Variants in CCDC88C observed in about 807,000 individuals in gnomAD.
CCDC88C encodes coiled-coil and HOOK domain protein 88C.
A neutral mutation model predicts 198.8 loss-of-function variants in CCDC88C; 131 were observed. The observed-to-expected ratio is 0.66, with a 90% CI of 0.57 to 0.76. The LOEUF is 0.76. CCDC88C is among the 30% of genes least tolerant of loss of function. The probability of loss-of-function intolerance (pLI) is 0.00; values close to 1 mark genes in which losing one functional copy is unlikely to be tolerated. For missense variants in CCDC88C, 2,553 were observed against 2,631.6 expected (o/e 0.97, Z 0.65); for synonymous variants, 1,166 against 1,114.7 (o/e 1.05, Z -0.92).
At chr14:91,280,804 G>A (rs1890164596) in intron 27 of CCDC88C, among the ~76,000 whole-genome samples, 1 of 151,676 alleles carries the variant, frequency 6.6e-6, no homozygotes, top group Non-Finnish European at 1.5e-5. Flanking sequence ...GTAGAAGACT[G>A]TAAGAATGTC....
intron 22 of CCDC88C, among the ~76,000 whole-genome samples, chr14:91,294,650 A>G (rs1890920575): frequency 6.6e-6 from 1 of 152,060 alleles, no homozygotes; most frequent in African/African-American, 2.4e-5. Flanking sequence ...TCTCATCAAT[A>G]ATGTTTTCGT....
At position 91,297,401 on chromosome 14, in the gene CCDC88C, C is replaced by T. The variant is rs1416528423; in HGVS notation, c.3870G>A (p.Gln1290=). 6.2e-7 allele frequency: 1 copy of T among 1,612,142 alleles called. No individual in the cohort carries two copies. The highest frequency in any genetic ancestry group is 1.3e-5 in the African/African-American group (1 of 75,032). The part of the protein sequence containing the change: ...KELKTSLNNA[Q]LELNRWQARF... The stretch of plus-strand genomic sequence containing the variant: ...GGGCCTGCCAGCGGTTGAGCTCCAG[C>T]TGCGCGTTGTTCAGTGAGGTTTTCA... Residue 1290 remains glutamine (Q), a synonymous_variant, in exon 22 of 30, where the codon CAG becomes CAA. Transcript: ENST00000389857.
In CCDC88C at chr14:91,313,983, A is replaced by C; in HGVS notation, c.1833T>G (p.Phe611Leu). 6.2e-7 allele frequency: 1 copy of C among 1,613,518 alleles called. No individual in the cohort carries two copies. ...AGTCCCTGTGCAGCTGCCGCTTCTC[A>C]AACTCCAACTGGCTGAGCTTGCCAT... ...EANGKLSQLEFEKRQLHRDLE... is the reference protein window; with the variant it reads ...EANGKLSQLELEKRQLHRDLE... The change falls in exon 15 of 30, where the codon TTT becomes TTG. Residue 611 changes from phenylalanine to leucine, a missense_variant. Physicochemically the swap from Phe to Leu is conservative, Grantham distance 22. Around this residue, in one of 2 missense-constraint regions of CCDC88C, gnomAD observed 1,260 missense variants for 1,412.0 expected, o/e 0.89. Transcript: ENST00000389857. This position sits in a 1 kb window ranked among gnomAD's most constrained non-coding sequence, Gnocchi z 5.2.
intron 3 of CCDC88C, among the ~76,000 whole-genome samples, chr14:91,374,724 C>T (rs942327555): frequency 1.3e-5 from 2 of 152,218 alleles, no homozygotes; most frequent in Non-Finnish European, 2.9e-5. Flanking sequence ...GTGGTCTCTG[C>T]AGTCAGGCTC....
intron 24 of CCDC88C, 109 bp downstream of exon 24, chr14:91,290,886 G>A (rs1161449315): frequency 2.9e-6 from 2 of 681,802 alleles, no homozygotes; most frequent in African/African-American, 1.8e-5. Flanking sequence ...AGGCATCTGT[G>A]CACAGGTGGA....
At chr14:91,372,535 G>GT (rs1410541988) in intron 3 of CCDC88C, among the ~76,000 whole-genome samples, 1 of 108,960 alleles carries the variant, frequency 9.2e-6, no homozygotes, top group Non-Finnish European at 1.8e-5. Flanking sequence ...GTGCGGGGGG[G>GT]GGCGGGCGGG....
intron 3 of CCDC88C, among the ~76,000 whole-genome samples, chr14:91,389,338 G>A (rs1270646088): frequency 6.6e-6 from 1 of 152,120 alleles, no homozygotes; most frequent in African/African-American, 2.4e-5. Context: ...GGCTTCCCCA[G>A]GGGAAAAGTC....
chr14:91,280,457 T>A lies in CCDC88C; in HGVS notation c.4699+1000A>T, dbSNP rs1280089382. 2.0e-5 allele frequency among the ~76,000 whole-genome samples: 3 copies of A among 152,150 alleles called. No individual in the cohort carries two copies. The South Asian group carries it at 6.2e-4, about 32-fold the overall frequency. Reference sequence around the variant, plus strand: ...CAGAATCGGTCCCCTCCCTGAGCAGTGAAAATGTGAAATAAACAAATGCAC... The same window carrying A: ...CAGAATCGGTCCCCTCCCTGAGCAGAGAAAATGTGAAATAAACAAATGCAC... On this transcript the variant is annotated intron_variant, in intron 27 of 29. Transcript: ENST00000389857.
chr14:91,338,233 C>A lies in CCDC88C; in HGVS notation c.892-70G>T. ...CTAGGAAGGGCAGAAAGGCCATTGCCCTTCTGCATGGTGTCTCCACGACGG... is the reference window on the plus strand; with the variant it reads ...CTAGGAAGGGCAGAAAGGCCATTGCACTTCTGCATGGTGTCTCCACGACGG... On this transcript the variant is annotated intron_variant, in intron 9 of 29. Coordinates refer to ENST00000389857, the MANE Select transcript of CCDC88C (RefSeq NM_001080414.4). This position sits in a 1 kb window ranked among gnomAD's most constrained non-coding sequence, Gnocchi z 4.8. The A allele has an allele frequency of 6.4e-7, 1 of 1,566,328 alleles. No homozygotes were observed.
chr14:91,314,099 G>C lies in CCDC88C; in HGVS notation c.1717C>G (p.Leu573Val), dbSNP rs1237755939. 1 of 1,613,668 alleles carries C rather than the reference G, an allele frequency of 6.2e-7. No individual in the cohort carries two copies. The highest frequency in any genetic ancestry group is 1.7e-5 in the Admixed American group (1 of 60,026). ...KDHLNRAMWS[L>V]RERSQVSSEA... is the part of the protein sequence containing the mutation. The stretch of plus-strand genomic sequence containing the variant: ...CTGCTGACCTGCGACCTCTCCCGCA[G>C]CGACCACATGGCTCGGTTGAGGTGG... The change falls in exon 15 of 30, where the codon CTG (leucine) becomes GTG (valine). Residue 573 changes from leucine to valine, a missense_variant. Transcript: ENST00000389857.
chr14:91,309,248 C>T (rs1891698331), intron 16 of CCDC88C, among the ~76,000 whole-genome samples: 3 of 152,080 alleles, frequency 2.0e-5, no homozygotes, highest in Admixed American at 2.0e-4. Flanking sequence ...AACAACAAAA[C>T]CCATTATCAT....
In CCDC88C at chr14:91,273,182, T is replaced by C. The variant is rs1314205495; in HGVS notation, c.5530A>G (p.Thr1844Ala). 5.1e-6 allele frequency: 8 copies of C among 1,576,686 alleles called. No individual in the cohort carries two copies. The East Asian group carries it at 1.9e-4, about 37-fold the overall frequency. ...ALGGRETGSH[T>A]LQSPAPPSSH... ...CTGGGGGGTGCGGGGCTTTGCAGGG[T>C]GTGGCTGCCTGTCTCTCTGCCCCCT... is the stretch of plus-strand genomic sequence containing the variant. The change falls in exon 30 of 30, where the codon ACC becomes GCC. Residue 1844 changes from threonine (T) to alanine (A), a missense_variant. Thr to Ala is a moderately conservative substitution (Grantham distance 58, BLOSUM62 0). Coordinates refer to ENST00000389857, the MANE Select transcript of CCDC88C (RefSeq NM_001080414.4). This position sits in a 1 kb window ranked among gnomAD's most constrained non-coding sequence, Gnocchi z 5.6.
At chr14:91,334,015 G>A (rs1032007718) in intron 10 of CCDC88C, among the ~76,000 whole-genome samples, 1 of 152,052 alleles carries the variant, frequency 6.6e-6, no homozygotes, top group African/African-American at 2.4e-5. Flanking sequence ...ACATTTTATC[G>A]TAAAAAATAT....
chr14:91,414,391 T>C (rs938232423), intron 2 of CCDC88C, among the ~76,000 whole-genome samples: 5 of 152,178 alleles, frequency 3.3e-5, no homozygotes, highest in African/African-American at 9.7e-5. Flanking sequence ...CAGCTGGCTA[T>C]GTAGGCTGTC....
intron 4 of CCDC88C, among the ~76,000 whole-genome samples, chr14:91,344,770 A>G (rs1893456957): frequency 6.6e-6 from 1 of 150,874 alleles, no homozygotes; most frequent in Admixed American, 6.6e-5. Flanking sequence ...AAGTGCTGGG[A>G]TTACAGGCTT....
At chr14:91,309,748 A>C (rs1891732326) in intron 16 of CCDC88C, 111 bp downstream of exon 16, 1 of 1,151,698 alleles carries the variant, frequency 8.7e-7, no homozygotes, top group Non-Finnish European at 1.2e-6. Context: ...GTGAGGTCAC[A>C]GCCCTCGGCA....
chr14:91,369,857 A>G (rs1894706527), intron 3 of CCDC88C, among the ~76,000 whole-genome samples: 1 of 152,192 alleles, frequency 6.6e-6, no homozygotes, highest in South Asian at 2.1e-4. Context: ...CAAGCCCAGG[A>G]GCGCCGGCTC....
chr14:91,309,228 G>A (rs1434917036), intron 16 of CCDC88C, among the ~76,000 whole-genome samples: 1 of 152,088 alleles, frequency 6.6e-6, no homozygotes, highest in Admixed American at 6.5e-5. Flanking sequence ...GTGACACTTC[G>A]TCTCAAAACA....
intron 4 of CCDC88C, among the ~76,000 whole-genome samples, chr14:91,346,763 G>T (rs917301280): frequency 2.0e-5 from 3 of 152,148 alleles, no homozygotes; most frequent in African/African-American, 7.2e-5. Flanking sequence ...GCTGGGCGTG[G>T]TGGCACGCGT....
Sources: allele counts gnomAD v4.1 joint callset (sites outside exome capture counted in the v4.1 genomes callset), GRCh38; gene constraint gnomAD v4.1.1; regional missense constraint gnomAD v4.1.1; non-coding constraint Gnocchi (gnomAD v3.1); transcripts MANE v1.5; gene names NCBI Gene and HGNC (gene_info 2026-07-23, HGNC 2026-07-21).